ZNF678: variants seen among roughly 807,000 people sequenced by gnomAD.
ZNF678 encodes the protein hypothetical protein MGC42493.
Under a neutral mutation model 3.0 loss-of-function variants are expected in ZNF678, and 5 were observed. That is an observed-to-expected ratio of 1.69 (90% confidence interval 0.88 to 3.56). The LOEUF (loss-of-function observed/expected upper bound fraction) is 3.56, where lower values mean the gene tolerates loss of function less well. Among genes scored for constraint, ZNF678 ranks in the 30% most tolerant of loss-of-function variants. ZNF678 has a pLI of 0.00. For synonymous variants in ZNF678, 218 were observed against 199.6 expected (o/e 1.09, Z -0.78); for missense variants, 593 against 605.0 (o/e 0.98, Z 0.21).
intron 1 of ZNF678, among the ~76,000 whole-genome samples, chr1:227,637,125 G>T (rs983161164): frequency 6.6e-6 from 1 of 152,116 alleles, no homozygotes; most frequent in Non-Finnish European, 1.5e-5. Context: ...AAACCAAGTA[G>T]AGGAGGCATC....
At chr1:227,669,503 G>T (rs1474941858) in intron 5 of ZNF678, among the ~76,000 whole-genome samples, 2 of 151,944 alleles carry the variant, frequency 1.3e-5, no homozygotes, top group Non-Finnish European at 2.9e-5. Context: ...AAAAAAATTA[G>T]CCAGGTGCGG....
chr1:227,646,873 A>G lies in ZNF678; in HGVS notation c.-37+203A>G, dbSNP rs76733955. ...TGACATAAATTTTAAGGTGGTCTAA[A>G]TTCTTCACTCTAGATGACTGGTAAT... is the stretch of plus-strand genomic sequence containing the variant. On this transcript the variant is annotated intron_variant, in intron 2 of 3. Coordinates refer to ENST00000343776, the MANE Select transcript of ZNF678 (RefSeq NM_001367909.1). Among the ~76,000 whole-genome samples the G allele has an allele frequency of 4.9e-3, 745 of 152,294 alleles. 14 individuals carry two copies. The highest frequency in any genetic ancestry group is 0.034 in the East Asian group (174 of 5,184).
chr1:227,667,274 G>A (rs989668895), downstream of ZNF678, among the ~76,000 whole-genome samples: 11 of 151,962 alleles, frequency 7.2e-5, no homozygotes, highest in African/African-American at 2.4e-4. Flanking sequence ...GACCTCAAGC[G>A]ATCCGCCCGC....
chr1:227,624,051 A>G (rs1048054171), intron 1 of ZNF678, among the ~76,000 whole-genome samples: 1 of 152,228 alleles, frequency 6.6e-6, no homozygotes, highest in Non-Finnish European at 1.5e-5. Flanking sequence ...TATAAGTAGT[A>G]GGTAGATGAT....
At chr1:227,639,172 G>A (rs573422475) in intron 1 of ZNF678, among the ~76,000 whole-genome samples, 1 of 152,300 alleles carries the variant, frequency 6.6e-6, no homozygotes, top group South Asian at 2.1e-4. Context: ...CAGCCTGGTG[G>A]GCTTACCTGG....
chr1:227,648,173 TA>T (rs914490354), intron 2 of ZNF678, among the ~76,000 whole-genome samples: 11 of 151,962 alleles, frequency 7.2e-5, no homozygotes, highest in African/African-American at 2.7e-4. Flanking sequence ...TCCCTACATT[TA>T]AAAAAAATAC....
At position 227,608,551 on chromosome 1, in the gene ZNF678, T is replaced by C. The variant is rs1309889342; in HGVS notation, c.-163-37993T>C. 2.0e-5 allele frequency among the ~76,000 whole-genome samples: 3 copies of C among 152,190 alleles called. No individual in the cohort carries two copies. In the East Asian group the frequency reaches 5.8e-4, roughly 29 times the overall value. On this transcript the variant is annotated intron_variant, in intron 1 of 3. Transcript: ENST00000343776. ...CACATTCTACAAATTATTACTAATATATGGTACACTGTTGGGTTCAGAAGC... is the reference window on the plus strand; with the variant it reads ...CACATTCTACAAATTATTACTAATACATGGTACACTGTTGGGTTCAGAAGC...
At chr1:227,615,305 T>G (rs1443211859) in intron 1 of ZNF678, among the ~76,000 whole-genome samples, 1 of 152,222 alleles carries the variant, frequency 6.6e-6, no homozygotes, top group African/African-American at 2.4e-5. Context: ...CATGTTTAGT[T>G]TAACAGTTTC....
At chr1:227,592,529 A>C (rs1316279391) in intron 1 of ZNF678, among the ~76,000 whole-genome samples, 1 of 152,238 alleles carries the variant, frequency 6.6e-6, no homozygotes, top group Non-Finnish European at 1.5e-5. Context: ...AGGAAGCCCC[A>C]GGGCTGGGGC....
chr1:227,670,255 A>G lies in ZNF678; in HGVS notation c.227-6924A>G, dbSNP rs146197893. Reference sequence around the variant, plus strand: ...CAAAATACCCATGTAACAGTCCTACACATGTATCCCCCGATTTAATAAAAG... The same window carrying G: ...CAAAATACCCATGTAACAGTCCTACGCATGTATCCCCCGATTTAATAAAAG... On this transcript the variant is annotated intron_variant, in intron 5 of 5. Coordinates refer to the ZNF678 transcript ENST00000608949. 3.9e-3 allele frequency among the ~76,000 whole-genome samples: 600 copies of G among 152,356 alleles called. 2 individuals are homozygous for G. The highest frequency in any genetic ancestry group is 0.014 in the African/African-American group (572 of 41,584).
intron 1 of ZNF678, among the ~76,000 whole-genome samples, chr1:227,613,159 C>T (rs1200167370): frequency 1.3e-5 from 2 of 152,190 alleles, no homozygotes; most frequent in Non-Finnish European, 2.9e-5. Context: ...GCCTCTGGTA[C>T]TAGCTCATAT....
At chr1:227,665,395 C>T (rs186970367), downstream of ZNF678, among the ~76,000 whole-genome samples, 209 of 152,308 alleles carry the variant, frequency 1.4e-3, 1 homozygote, top group Non-Finnish European at 1.5e-3. Context: ...ACTCAGAGCA[C>T]TGTGGGGCTA....
intron 1 of ZNF678, among the ~76,000 whole-genome samples, chr1:227,583,102 T>A (rs1375862148): frequency 6.6e-6 from 1 of 152,138 alleles, no homozygotes; most frequent in African/African-American, 2.4e-5. Context: ...TTATTATGTA[T>A]CCGTTGCTCT....
chr1:227,671,074 CT>C (rs200510182), intron 5 of ZNF678, among the ~76,000 whole-genome samples: 69,558 of 120,222 alleles, frequency 0.58, 18,229 homozygotes, highest in East Asian at 0.7. Context: ...AGTGGATCAC[CT>C]TTTTTTTTTT....
At chr1:227,589,862 CT>C (rs1436998382) in intron 1 of ZNF678, among the ~76,000 whole-genome samples, 2 of 151,748 alleles carry the variant, frequency 1.3e-5, no homozygotes, top group African/African-American at 4.9e-5. Flanking sequence ...CTTCTTCTTT[CT>C]TTGGAAGCAG....
chr1:227,667,303 T>A (rs1297270359), downstream of ZNF678, among the ~76,000 whole-genome samples: 1 of 152,100 alleles, frequency 6.6e-6, no homozygotes, highest in African/African-American at 2.4e-5. Context: ...CTCAAACTGC[T>A]AGGATTTCAG....
intron 1 of ZNF678, among the ~76,000 whole-genome samples, chr1:227,610,808 G>A (rs536709808): frequency 2.0e-5 from 3 of 152,282 alleles, no homozygotes; most frequent in African/African-American, 7.2e-5. Flanking sequence ...GGGCATAGAA[G>A]GGATTCATCC....
At chr1:227,589,004 A>G (rs1372765015) in intron 1 of ZNF678, among the ~76,000 whole-genome samples, 2 of 148,162 alleles carry the variant, frequency 1.3e-5, no homozygotes, top group East Asian at 4.0e-4. Context: ...TTTTTCTTGT[A>G]GATTTGTTTA....
At chr1:227,584,918 T>C (rs1225388624) in intron 1 of ZNF678, among the ~76,000 whole-genome samples, 2 of 152,182 alleles carry the variant, frequency 1.3e-5, no homozygotes, top group Non-Finnish European at 2.9e-5. Flanking sequence ...AACTGACTTT[T>C]CAAGGTAATT....
Sources: allele counts gnomAD v4.1 joint callset (sites outside exome capture counted in the v4.1 genomes callset), GRCh38; gene constraint gnomAD v4.1.1; transcripts MANE v1.5; gene names NCBI Gene and HGNC (gene_info 2026-07-23, HGNC 2026-07-21).